Variants in DNAJC15 observed in about 807,000 individuals in gnomAD.
DNAJC15 encodes the protein DnaJ heat shock protein family (Hsp40) member C15.
DNAJC15 carries 27 observed loss-of-function variants against 22.4 expected under a neutral mutation model. The ratio of observed to expected loss-of-function variants is 1.20; its 90% confidence interval spans 0.89 to 1.66. The LOEUF is 1.66. Among genes scored for constraint, DNAJC15 ranks in the 40% most tolerant of loss-of-function variants. The pLI, the probability that DNAJC15 is intolerant of heterozygous loss-of-function variation, is 0.00. For missense variants in DNAJC15, 208 were observed against 187.1 expected (o/e 1.11, Z -0.65); for synonymous variants, 79 against 63.2 (o/e 1.25, Z -1.19).
At chr13:43,094,190 AT>A (rs1317282171) in intron 5 of DNAJC15, among the ~76,000 whole-genome samples, 10 of 151,778 alleles carry the variant, frequency 6.6e-5, no homozygotes, top group Admixed American at 2.6e-4. Context: ...TTTACTTTGA[AT>A]TTTTTTTTCC....
rs1333354499 is a variant in DNAJC15 at position 43,110,451 on chromosome 13, A to G, written c.*3203A>G. On this transcript the variant is annotated 3_prime_UTR_variant, in exon 6 of 6. Coordinates refer to ENST00000379221, the MANE Select transcript of DNAJC15 (RefSeq NM_013238.3). ...GCTCATCTTTAATATGCAGCAGGACAGGTTTGGGATTTTTTTTCCCCCTTG... is the reference window on the plus strand; with the variant it reads ...GCTCATCTTTAATATGCAGCAGGACGGGTTTGGGATTTTTTTTCCCCCTTG... 2.6e-5 allele frequency: 4 copies of G among 152,230 alleles called. No individual in the cohort carries two copies. The highest frequency in any genetic ancestry group is 9.6e-5 in the African/African-American group (4 of 41,452). The allele number at this position is 152,230 out of a possible 1,614,324, so 9.4% of individuals were successfully genotyped here.
rs542604922 is a variant in DNAJC15, at chr13:43,077,833, T to G, written c.235-779T>G. On this transcript the variant is annotated intron_variant, in intron 3 of 5. Transcript: ENST00000379221. ...GGAAATGTTAGTTCTGTTTTAAATA[T>G]ACATCCAGAATCTAACCACTTTTAT... Among the ~76,000 whole-genome samples, 3 of 152,342 alleles carry G rather than the reference T, an allele frequency of 2.0e-5. No individual in the cohort carries two copies. In the East Asian group the frequency reaches 5.8e-4, roughly 29 times the overall value.
intron 1 of DNAJC15, among the ~76,000 whole-genome samples, chr13:43,054,179 C>A (rs79945033): frequency 0.042 from 6,409 of 152,182 alleles, 468 homozygotes; most frequent in African/African-American, 0.15. Flanking sequence ...ATTGTTGTTT[C>A]CACTTCTGTT....
In DNAJC15 at chr13:43,112,317, G is replaced by T. The variant is rs2040828546; in HGVS notation, c.*5069G>T. 1 of 152,132 alleles carries T rather than the reference G, an allele frequency of 6.6e-6. No homozygotes were observed. Among genetic ancestry groups the T allele is most frequent in the Admixed American group, 6.5e-5 (1 of 15,278 alleles). 9.4% of individuals were successfully genotyped at this position (152,132 alleles called of 1,614,324 possible). A position where few individuals can be genotyped will look rare whatever the true frequency, so the allele number is the denominator to read the frequency against. On this transcript the variant is annotated 3_prime_UTR_variant, in exon 6 of 6. Transcript: ENST00000379221. ...CTAGCAGCACTGCTCCAAATTTTAA[G>T]TCTGAACAGACTATATTACATAGAT... is the stretch of plus-strand genomic sequence containing the variant.
At position 43,113,045 on chromosome 13, in the gene DNAJC15, T is replaced by G. The variant is rs1250884835; in HGVS notation, c.*5797T>G. On this transcript the variant is annotated 3_prime_UTR_variant, in exon 6 of 6. Transcript: ENST00000379221. Reference sequence around the variant, plus strand: ...TGTTGTAAAGTTTAGCAGAGTGACTTTCTTTGACTCAGAGTGATGACGGAG... The same window carrying G: ...TGTTGTAAAGTTTAGCAGAGTGACTGTCTTTGACTCAGAGTGATGACGGAG... The G allele has an allele frequency of 1.3e-5, 2 of 152,208 alleles. No homozygotes were observed. Among genetic ancestry groups the G allele is most frequent in the African/African-American group, 4.8e-5 (2 of 41,446 alleles). The allele number at this position is 152,208 out of a possible 1,614,324, so 9.4% of individuals were successfully genotyped here.
chr13:43,046,364 T>C (rs978090120), intron 1 of DNAJC15, among the ~76,000 whole-genome samples: 4 of 152,116 alleles, frequency 2.6e-5, no homozygotes, highest in African/African-American at 4.8e-5. Flanking sequence ...ATGGTACACA[T>C]AAAATATGAG....
chr13:43,041,980 G>A (rs984280628), intron 1 of DNAJC15, among the ~76,000 whole-genome samples: 1 of 152,154 alleles, frequency 6.6e-6, no homozygotes, highest in Non-Finnish European at 1.5e-5. Context: ...ATTTAAATAG[G>A]TAAGACCATA....
At chr13:43,027,969 T>C (rs9525722) in intron 1 of DNAJC15, among the ~76,000 whole-genome samples, 45,793 of 151,904 alleles carry the variant, frequency 0.3, 6,951 homozygotes, top group African/African-American at 0.36. Context: ...ACTGATTCTT[T>C]CCCACTGTTT....
chr13:43,100,394 G>A (rs781098145), intron 5 of DNAJC15, among the ~76,000 whole-genome samples: 2 of 151,792 alleles, frequency 1.3e-5, no homozygotes, highest in Non-Finnish European at 2.9e-5. Flanking sequence ...TTTTTGTAGA[G>A]ATAGGGTTTT....
chr13:43,063,408 T>G (rs562709268), intron 1 of DNAJC15, among the ~76,000 whole-genome samples: 3 of 152,240 alleles, frequency 2.0e-5, no homozygotes, highest in Admixed American at 6.5e-5. Context: ...TATTTTATCC[T>G]CACATAACCC....
intron 1 of DNAJC15, among the ~76,000 whole-genome samples, chr13:43,028,072 C>G (rs539258115): frequency 6.6e-6 from 1 of 152,142 alleles, no homozygotes; most frequent in Non-Finnish European, 1.5e-5. Flanking sequence ...ATAATGGTGC[C>G]TGATGTGTGG....
chr13:43,041,713 A>G (rs1421098446), intron 1 of DNAJC15, among the ~76,000 whole-genome samples: 1 of 152,212 alleles, frequency 6.6e-6, no homozygotes, highest in Admixed American at 6.5e-5. Context: ...CTAAGAAGCA[A>G]TCTATGATTC....
intron 1 of DNAJC15, among the ~76,000 whole-genome samples, chr13:43,034,058 C>T (rs1196571085): frequency 6.6e-6 from 1 of 150,798 alleles, no homozygotes; most frequent in East Asian, 1.9e-4. Context: ...AATGACTTGC[C>T]AGTTTCATCA....
intron 1 of DNAJC15, among the ~76,000 whole-genome samples, chr13:43,048,334 A>AC (rs926011986): frequency 6.6e-6 from 1 of 151,838 alleles, no homozygotes; most frequent in African/African-American, 2.4e-5. Context: ...ACAAAAAAAA[A>AC]AAAAAAAATT....
At position 43,113,101 on chromosome 13, in the gene DNAJC15, T is replaced by C. The variant is rs1450636156; in HGVS notation, c.*5853T>C. 6.6e-6 allele frequency: 1 copy of C among 152,186 alleles called. No homozygotes were observed. Among genetic ancestry groups the C allele is most frequent in the African/African-American group, 2.4e-5 (1 of 41,436 alleles). The allele number at this position is 152,186 out of a possible 1,614,324, so 9.4% of individuals were successfully genotyped here. A position where few individuals can be genotyped will look rare whatever the true frequency, so the allele number is the denominator to read the frequency against. On this transcript the variant is annotated 3_prime_UTR_variant, in exon 6 of 6. Transcript: ENST00000379221. Reference sequence around the variant, plus strand: ...TTTGATAAGATTTTATCTGAAATGTTCATGGACAAGAGCTTTCAAGGAGAA... The same window carrying C: ...TTTGATAAGATTTTATCTGAAATGTCCATGGACAAGAGCTTTCAAGGAGAA...
chr13:43,098,857 T>G (rs1356273282), intron 5 of DNAJC15, among the ~76,000 whole-genome samples: 2 of 152,220 alleles, frequency 1.3e-5, no homozygotes, highest in Admixed American at 1.3e-4. Flanking sequence ...TTTGTAGAAT[T>G]GTTTTGGCTA....
chr13:43,052,507 T>G (rs1035371916), intron 1 of DNAJC15, among the ~76,000 whole-genome samples: 1 of 151,932 alleles, frequency 6.6e-6, no homozygotes, highest in East Asian at 1.9e-4. Context: ...AACCTCCACC[T>G]CCTGGGTTCA....
intron 1 of DNAJC15, among the ~76,000 whole-genome samples, chr13:43,032,079 A>T (rs1318560904): frequency 1.3e-5 from 2 of 152,214 alleles, no homozygotes; most frequent in South Asian, 2.1e-4. Flanking sequence ...GGAACCACGG[A>T]TGTCTGTTCA....
intron 1 of DNAJC15, among the ~76,000 whole-genome samples, chr13:43,043,221 C>G (rs541563567): frequency 6.8e-4 from 104 of 152,282 alleles, no homozygotes; most frequent in African/African-American, 2.2e-3. Flanking sequence ...GAGTCTCCCC[C>G]CTCAGCCTCC....
Sources: gnomAD v4.1 joint callset for allele counts (sites outside exome capture counted in the v4.1 genomes callset) on GRCh38, gnomAD v4.1.1 for gene constraint, MANE v1.5 for transcripts, NCBI Gene and HGNC (gene_info 2026-07-23, HGNC 2026-07-21) for gene names.